Variants in MGAT4C observed in about 807,000 individuals in gnomAD.
The protein encoded by MGAT4C is alpha-1,3-mannosyl-glycoprotein 4-beta-N-acetylglucosaminyltransferase C.
In MGAT4C, 19 loss-of-function variants were observed where a neutral mutation model predicts 40.1. The observed-to-expected ratio is 0.47, with a 90% CI of 0.33 to 0.70. The LOEUF (loss-of-function observed/expected upper bound fraction) is 0.70, where lower values mean the gene tolerates loss of function less well. Among genes scored for constraint, MGAT4C ranks in the 30% least tolerant of loss-of-function variants. The pLI, the probability that MGAT4C is intolerant of heterozygous loss-of-function variation, is 0.02. For missense variants in MGAT4C, 491 were observed against 563.2 expected, an observed-to-expected ratio of 0.87 and a Z score of 1.30; for synonymous variants, 181 against 187.1, an observed-to-expected ratio of 0.97 and a Z score of 0.27.
chr12:86,557,655 T>C (rs182627093), intron 2 of MGAT4C, among the ~76,000 whole-genome samples: 5 of 152,276 alleles, frequency 3.3e-5, no homozygotes, highest in Admixed American at 1.3e-4. Context: ...GGAGACTACA[T>C]AACAGTACCT....
Position 86,115,908 on chromosome 12 carries a change from G to T in MGAT4C, c.-56-66185C>A, listed in dbSNP as rs139723019. ...ACCATGATCTCATTTTAACTTAATT[G>T]CTTCTTTAAACTTTCTATCTCCAAA... On this transcript the variant is annotated intron_variant, in intron 1 of 4. Transcript: ENST00000611864. Among the ~76,000 whole-genome samples, 809 of 152,016 alleles carry T rather than the reference G, an allele frequency of 5.3e-3. 7 individuals are homozygous for T. The highest frequency in any genetic ancestry group is 0.019 in the African/African-American group (771 of 41,472).
intron 4 of MGAT4C, among the ~76,000 whole-genome samples, chr12:86,297,642 A>G (rs1466537374): frequency 1.3e-5 from 2 of 152,154 alleles, no homozygotes; most frequent in Non-Finnish European, 1.5e-5. Flanking sequence ...AACCAGGAGG[A>G]GGGTCTGATC....
chr12:86,822,761 A>T (rs1179487319), intron 1 of MGAT4C, among the ~76,000 whole-genome samples: 1 of 151,168 alleles, frequency 6.6e-6, no homozygotes, highest in African/African-American at 2.4e-5. Context: ...AATGGGTAGT[A>T]ACCACACAAA....
chr12:85,989,059 T>C (rs1885581916), intron 3 of MGAT4C, among the ~76,000 whole-genome samples: 1 of 152,064 alleles, frequency 6.6e-6, no homozygotes, highest in African/African-American at 2.4e-5. Context: ...TTATACTTTC[T>C]AAGCAGATTT....
chr12:86,167,388 A>G (rs1305845961), intron 1 of MGAT4C, among the ~76,000 whole-genome samples: 12 of 152,226 alleles, frequency 7.9e-5, no homozygotes, highest in Non-Finnish European at 1.6e-4. Context: ...TTATTGAATT[A>G]GGCAACACAA....
chr12:86,063,897 A>C (rs1160718180), intron 1 of MGAT4C, among the ~76,000 whole-genome samples: 1 of 152,254 alleles, frequency 6.6e-6, no homozygotes, highest in African/African-American at 2.4e-5. Context: ...CAGATTCATA[A>C]AGCAAGTTCT....
intron 2 of MGAT4C, among the ~76,000 whole-genome samples, chr12:86,042,426 C>T (rs181675309): frequency 1.8e-4 from 27 of 152,166 alleles, no homozygotes; most frequent in Admixed American, 4.6e-4. Context: ...TAGTTAAATG[C>T]GTTTTTGTTG....
chr12:86,509,088 T>C (rs1008838070), intron 2 of MGAT4C, among the ~76,000 whole-genome samples: 2 of 151,978 alleles, frequency 1.3e-5, no homozygotes, highest in Admixed American at 1.3e-4. Flanking sequence ...GTCAATTTTG[T>C]CTTTTGTTGC....
intron 1 of MGAT4C, among the ~76,000 whole-genome samples, chr12:86,245,529 A>C (rs1358331584): frequency 6.6e-6 from 1 of 152,116 alleles, no homozygotes; most frequent in Non-Finnish European, 1.5e-5. Flanking sequence ...AGTCATCTTC[A>C]GTTTAGCCCG....
intron 4 of MGAT4C, among the ~76,000 whole-genome samples, chr12:86,301,693 A>G (rs988608143): frequency 1.3e-5 from 2 of 152,218 alleles, no homozygotes; most frequent in African/African-American, 4.8e-5. Flanking sequence ...CAATTCTGTT[A>G]TAAACTGTTT....
At chr12:86,608,090 A>G (rs1319345401) in intron 2 of MGAT4C, among the ~76,000 whole-genome samples, 1 of 152,164 alleles carries the variant, frequency 6.6e-6, no homozygotes, top group East Asian at 1.9e-4. Context: ...ATTTACTATG[A>G]CAAAAACTGA....
At chr12:86,085,396 G>C (rs1418036851) in intron 1 of MGAT4C, among the ~76,000 whole-genome samples, 1 of 152,046 alleles carries the variant, frequency 6.6e-6, no homozygotes, top group Non-Finnish European at 1.5e-5. Flanking sequence ...TCTAAGGAAG[G>C]GGTCCAGTTT....
At chr12:86,380,428 A>G (rs917565690) in intron 3 of MGAT4C, among the ~76,000 whole-genome samples, 25 of 152,152 alleles carry the variant, frequency 1.6e-4, no homozygotes, top group Admixed American at 6.5e-5. Context: ...CATGCCATAC[A>G]TTATAACATT....
At chr12:86,322,760 G>A (rs576624107) in intron 4 of MGAT4C, among the ~76,000 whole-genome samples, 2 of 151,886 alleles carry the variant, frequency 1.3e-5, no homozygotes, top group Non-Finnish European at 2.9e-5. Flanking sequence ...GTCCAATAAC[G>A]TGTTCATATA....
At position 86,265,100 on chromosome 12, in the gene MGAT4C, C is replaced by T. The variant is rs1044498513; in HGVS notation, c.-57+68965G>A. ...ACCCGTGCGGGCACCTGGAGCTGCC[C>T]CACCCCCCGACCCCCAGCCGGCATG... On this transcript the variant is annotated intron_variant, in intron 4 of 7. Transcript: ENST00000548651. Among the ~76,000 whole-genome samples, 13 of 152,096 alleles carry T rather than the reference C, an allele frequency of 8.5e-5. 1 individual carries two copies. Among genetic ancestry groups the T allele is most frequent in the Admixed American group, 8.5e-4 (13 of 15,274 alleles).
At chr12:86,658,514 C>T (rs1963901299) in intron 2 of MGAT4C, among the ~76,000 whole-genome samples, 1 of 152,074 alleles carries the variant, frequency 6.6e-6, no homozygotes, top group Non-Finnish European at 1.5e-5. Context: ...TGACATATCA[C>T]AGTAATTACT....
At chr12:86,028,912 T>G (rs2136896540) in intron 2 of MGAT4C, among the ~76,000 whole-genome samples, 1 of 152,100 alleles carries the variant, frequency 6.6e-6, no homozygotes. Context: ...TACATGTAAT[T>G]ATTGTGCTTA....
At chr12:86,307,954 C>T (rs1004000599) in intron 4 of MGAT4C, among the ~76,000 whole-genome samples, 3 of 150,610 alleles carry the variant, frequency 2.0e-5, no homozygotes, top group Admixed American at 6.6e-5. Flanking sequence ...CCGCCCGTCT[C>T]GGCCTCCCAA....
chr12:86,675,989 C>T (rs1964388894), intron 2 of MGAT4C, among the ~76,000 whole-genome samples: 1 of 149,054 alleles, frequency 6.7e-6, no homozygotes. Flanking sequence ...AAAAAACATT[C>T]ATTTCAATGA....
Sources: gnomAD v4.1 joint callset for allele counts (sites outside exome capture counted in the v4.1 genomes callset) on GRCh38, gnomAD v4.1.1 for gene constraint, MANE v1.5 for transcripts, NCBI Gene and HGNC (gene_info 2026-07-23, HGNC 2026-07-21) for gene names.